The following TDRD3 variants were observed in gnomAD, a reference collection of about 807,000 sequenced individuals.
TDRD3 encodes the protein tudor domain containing 3.
A neutral mutation model predicts 86.7 loss-of-function variants in TDRD3; 45 were observed. The ratio of observed to expected loss-of-function variants is 0.52; its 90% CI spans 0.41 to 0.67. The LOEUF is 0.67. TDRD3 is among the 30% of genes least tolerant of loss of function. The pLI, the probability that TDRD3 is intolerant of heterozygous loss-of-function variation, is 0.00. For missense variants in TDRD3, 814 were observed against 889.0 expected, an observed-to-expected ratio of 0.92 and a Z score of 1.07; for synonymous variants, 298 against 301.7, an observed-to-expected ratio of 0.99 and a Z score of 0.13.
At chr13:60,419,477 G>T (rs1954604314) in intron 1 of TDRD3, among the ~76,000 whole-genome samples, 1 of 152,142 alleles carries the variant, frequency 6.6e-6, no homozygotes, top group Non-Finnish European at 1.5e-5. Flanking sequence ...CATGTCCTTT[G>T]CAGGGACATG....
intron 12 of TDRD3, among the ~76,000 whole-genome samples, chr13:60,546,405 A>G (rs1385698658): frequency 6.6e-6 from 1 of 152,140 alleles, no homozygotes; most frequent in Non-Finnish European, 1.5e-5. Flanking sequence ...ATTTAAGAAA[A>G]AGTAAGGAAC....
intron 5 of TDRD3, among the ~76,000 whole-genome samples, chr13:60,467,971 A>G (rs1955985700): frequency 6.6e-6 from 1 of 151,992 alleles, no homozygotes; most frequent in African/African-American, 2.4e-5. Flanking sequence ...AGTTCTTATT[A>G]TTACTGTAGT....
chr13:60,523,856 C>T (rs1957345460), intron 10 of TDRD3, among the ~76,000 whole-genome samples: 1 of 152,014 alleles, frequency 6.6e-6, no homozygotes, highest in Admixed American at 6.6e-5. Context: ...GGATTACAGG[C>T]GTGAGCCATA....
At position 60,431,903 on chromosome 13, in the gene TDRD3, C is replaced by T. The variant is rs559555865; in HGVS notation, c.42-7785C>T. On this transcript the variant is annotated intron_variant, in intron 1 of 13. Coordinates refer to ENST00000377881, the MANE Select transcript of TDRD3 (RefSeq NM_001146070.2). ...TTAGAAGTACTTTAAATAGTACGTA[C>T]CTTTATTTATCTGATCCATTTATAT... 1.8e-4 allele frequency among the ~76,000 whole-genome samples: 27 copies of T among 151,882 alleles called. 1 individual carries two copies. The South Asian group carries it at 5.4e-3, about 30-fold the overall frequency.
upstream of TDRD3, chr13:60,397,192 G>A: frequency 2.4e-6 from 1 of 415,696 alleles, no homozygotes; most frequent in Non-Finnish European, 4.2e-6. Flanking sequence ...CGCGGCGAGC[G>A]GAACCCGCAC....
At chr13:60,517,668 A>T (rs762226920) in intron 10 of TDRD3, among the ~76,000 whole-genome samples, 10 of 152,188 alleles carry the variant, frequency 6.6e-5, no homozygotes, top group Non-Finnish European at 1.5e-4. Flanking sequence ...CCTTTTTACC[A>T]TTCCATTCGT....
Position 60,460,391 on chromosome 13 carries a change from A to G in TDRD3, c.204A>G (p.Pro68=), listed in dbSNP as rs1410852059. 4.4e-6 allele frequency: 7 copies of G among 1,602,570 alleles called. No homozygotes were observed. The South Asian group carries it at 4.5e-5, about 10-fold the overall frequency. ...TTCTGTTTTGACAGCTCGAAGGTCC[A>G]TGTGTTTTGCAAATTCAAAAAATTC... ...NSGKVEKLEG[P]CVLQIQKIRN... Residue 68 remains proline, a synonymous_variant, in exon 4 of 14, where the codon CCA becomes CCG. Coordinates refer to ENST00000377881, the MANE Select transcript of TDRD3 (RefSeq NM_001146070.2).
intron 5 of TDRD3, among the ~76,000 whole-genome samples, chr13:60,470,909 C>G (rs1956064762): frequency 6.6e-6 from 1 of 152,012 alleles, no homozygotes; most frequent in African/African-American, 2.4e-5. Flanking sequence ...TTTGTATTTC[C>G]CTAATGCTTA....
chr13:60,423,106 C>T (rs564367556), intron 1 of TDRD3, among the ~76,000 whole-genome samples: 2 of 152,130 alleles, frequency 1.3e-5, no homozygotes, highest in Non-Finnish European at 2.9e-5. Flanking sequence ...CTTTTCAAAA[C>T]CAATATATAA....
chr13:60,556,384 A>G (rs924417039), intron 12 of TDRD3, among the ~76,000 whole-genome samples: 4 of 152,264 alleles, frequency 2.6e-5, no homozygotes, highest in African/African-American at 7.2e-5. Flanking sequence ...GTAATATTAC[A>G]TAGTTAATTT....
chr13:60,415,877 A>G (rs1201990561), intron 1 of TDRD3, among the ~76,000 whole-genome samples: 6 of 152,148 alleles, frequency 3.9e-5, no homozygotes, highest in African/African-American at 9.6e-5. Context: ...TTACGGAAAA[A>G]CATTCTTTAG....
At chr13:60,513,616 C>T (rs1025658991) in intron 10 of TDRD3, among the ~76,000 whole-genome samples, 2 of 152,050 alleles carry the variant, frequency 1.3e-5, no homozygotes, top group African/African-American at 2.4e-5. Flanking sequence ...GGGAGGCACT[C>T]GGTGAGAGGT....
Position 60,467,414 on chromosome 13 carries a change from T to C in TDRD3, c.495+35T>C, listed in dbSNP as rs184677175. 105 of 1,603,560 alleles carry C rather than the reference T, an allele frequency of 6.5e-5. No individual in the cohort carries two copies. In the East Asian group the frequency reaches 2.0e-3, roughly 31 times the overall value. ...AACTATGGCTTGAACTTTTGAAACA[T>C]TACACTCTTTTTTATTGCATTAAAG... On this transcript the variant is annotated intron_variant, in intron 5 of 13. Transcript: ENST00000377881.
chr13:60,562,843 C>T (rs892782919), intron 12 of TDRD3, among the ~76,000 whole-genome samples: 4 of 151,744 alleles, frequency 2.6e-5, no homozygotes, highest in African/African-American at 9.7e-5. Context: ...AGAATAATTG[C>T]CATTCCCATT....
At chr13:60,440,680 CA>C (rs1157505330) in intron 2 of TDRD3, among the ~76,000 whole-genome samples, 8 of 146,910 alleles carry the variant, frequency 5.4e-5, no homozygotes, top group South Asian at 2.1e-4. Flanking sequence ...GACTCTGTCT[CA>C]AAAAAAAAAG....
intron 10 of TDRD3, among the ~76,000 whole-genome samples, chr13:60,514,332 A>T (rs117655118): frequency 0.045 from 6,829 of 152,304 alleles, 211 homozygotes; most frequent in Non-Finnish European, 0.066. Context: ...TTTTAAAGGG[A>T]AAACACATGA....
intron 5 of TDRD3, among the ~76,000 whole-genome samples, chr13:60,479,962 G>T (rs570028207): frequency 1.3e-5 from 2 of 152,108 alleles, no homozygotes; most frequent in Non-Finnish European, 2.9e-5. Flanking sequence ...ACTTGCCATC[G>T]TATTCCTTTT....
In TDRD3 at chr13:60,528,415, C is replaced by T. The variant is rs769890656; in HGVS notation, c.1190C>T (p.Ser397Leu). 1.7e-5 allele frequency: 28 copies of T among 1,613,576 alleles called. No individual in the cohort carries two copies. The highest frequency in any genetic ancestry group is 2.4e-5 in the Non-Finnish European group (28 of 1,179,818). The change falls in exon 11 of 14, where the codon TCA becomes TTA. Residue 397 changes from serine (S) to leucine (L), a missense_variant. Coordinates refer to ENST00000377881, the MANE Select transcript of TDRD3 (RefSeq NM_001146070.2). Reference sequence around the variant, plus strand: ...CTTCATCAGGGACAATACAGATCATCAAATACTGAGCAAAATGGAGTAAAA... The same window carrying T: ...CTTCATCAGGGACAATACAGATCATTAAATACTGAGCAAAATGGAGTAAAA... ...QQLHQGQYRS[S>L]NTEQNGVKDN...
intron 12 of TDRD3, among the ~76,000 whole-genome samples, chr13:60,559,495 G>A (rs749613433): frequency 2.0e-5 from 3 of 152,048 alleles, no homozygotes; most frequent in African/African-American, 7.2e-5. Flanking sequence ...TTATATATTC[G>A]TTCCTGTACT....
Sources: gnomAD v4.1 joint callset for allele counts (sites outside exome capture counted in the v4.1 genomes callset) on GRCh38, gnomAD v4.1.1 for gene constraint, MANE v1.5 for transcripts, NCBI Gene and HGNC (gene_info 2026-07-23, HGNC 2026-07-21) for gene names.